Variants in KCNQ1 observed in about 807,000 individuals in gnomAD.
The protein encoded by KCNQ1 is potassium voltage-gated channel subfamily KQT member 1.
Under a neutral mutation model 72.4 loss-of-function variants are expected in KCNQ1, and 49 were observed. That is an observed-to-expected ratio of 0.68 (90% CI 0.54 to 0.86). The LOEUF (loss-of-function observed/expected upper bound fraction) is 0.86. Ranked by LOEUF, KCNQ1 falls within the 40% of genes least tolerant of loss-of-function variation. The pLI, the probability that KCNQ1 is intolerant of heterozygous loss-of-function variation, is 0.00. For missense variants in KCNQ1, 790 were observed against 945.1 expected (o/e 0.84, Z 2.15); for synonymous variants, 450 against 412.6 (o/e 1.09, Z -1.10).
rs111520191 is a variant in KCNQ1 at position 2,787,734 on chromosome 11, G to A, written c.1794+9697G>A. On this transcript the variant is annotated intron_variant, in intron 15 of 15. Transcript: ENST00000155840. The surrounding 1 kb of genome is among the most constrained non-coding windows in gnomAD (Gnocchi z 6.3). ...TTTTACACATTTCAATTTAGACACCGAGTTTTCATGAGAACGACTTGGTCT... is the reference window on the plus strand; with the variant it reads ...TTTTACACATTTCAATTTAGACACCAAGTTTTCATGAGAACGACTTGGTCT... 7.4e-4 allele frequency among the ~76,000 whole-genome samples: 113 copies of A among 152,110 alleles called. No individual in the cohort carries two copies. The highest frequency in any genetic ancestry group is 3.4e-3 in the Middle Eastern group (1 of 294).
In KCNQ1 at chr11:2,657,168, C is replaced by T. The variant is rs1431582605; in HGVS notation, c.1394-4793C>T. 2.5e-6 allele frequency: 1 copy of T among 398,520 alleles called. No individual in the cohort carries two copies. Among genetic ancestry groups the T allele is most frequent in the Non-Finnish European group, 4.4e-6 (1 of 226,076 alleles). 24.7% of individuals were successfully genotyped at this position (398,520 alleles called of 1,614,324 possible). On this transcript the variant is annotated intron_variant, in intron 10 of 15. Coordinates refer to ENST00000155840, the MANE Select transcript of KCNQ1 (RefSeq NM_000218.3). The surrounding 1 kb of genome is among the most constrained non-coding windows in gnomAD (Gnocchi z 4.8). ...TGTTTGGTACAGCAAGTTCTCCCAC[C>T]TTGTTCTTCTTCAAGAATATTGCCA...
chr11:2,521,470 T>C (rs1263667782), intron 1 of KCNQ1: 8 of 466,116 alleles, frequency 1.7e-5, no homozygotes, highest in Non-Finnish European at 3.1e-5. Context: ...TAATTTTTAA[T>C]GTTTACAGAT....
chr11:2,830,413 C>G lies in KCNQ1; in HGVS notation c.1795-17354C>G, dbSNP rs1237764361. Among the ~76,000 whole-genome samples, 1 of 152,098 alleles carries G rather than the reference C, an allele frequency of 6.6e-6. No individual in the cohort carries two copies. The highest frequency in any genetic ancestry group is 2.4e-5 in the African/African-American group (1 of 41,406). Reference sequence around the variant, plus strand: ...ATCTCCAAGGCCCCGGGATCTAAGTCCCTGTTAAGTCCCCTGTTAAAGGAC... The same window carrying G: ...ATCTCCAAGGCCCCGGGATCTAAGTGCCTGTTAAGTCCCCTGTTAAAGGAC... On this transcript the variant is annotated intron_variant, in intron 15 of 15. Transcript: ENST00000155840. This position sits in a 1 kb window ranked among gnomAD's most constrained non-coding sequence, Gnocchi z 7.7.
At chr11:2,558,930 C>G (rs2133705058) in intron 2 of KCNQ1, among the ~76,000 whole-genome samples, 1 of 152,288 alleles carries the variant, frequency 6.6e-6, no homozygotes, top group Middle Eastern at 3.4e-3. Flanking sequence ...AACCCCTCCA[C>G]CCTGAGAAGC....
rs112089686 is a variant in KCNQ1, at chr11:2,804,495, C to T, written c.1794+26458C>T. Among the ~76,000 whole-genome samples, 999 of 152,326 alleles carry T rather than the reference C, an allele frequency of 6.6e-3. 9 individuals are homozygous for T. Among genetic ancestry groups the T allele is most frequent in the African/African-American group, 0.022 (934 of 41,560 alleles). The stretch of plus-strand genomic sequence containing the variant: ...GGAGGGATGGAGGCCGGAACAGAGC[C>T]GGCTGCTCCCCTCAGAGGGCTGGGT... On this transcript the variant is annotated intron_variant, in intron 15 of 15. Transcript: ENST00000155840.
intron 1 of KCNQ1, among the ~76,000 whole-genome samples, chr11:2,506,672 C>G (rs537499117): frequency 5.1e-4 from 77 of 152,246 alleles, no homozygotes; most frequent in Middle Eastern, 6.8e-3. Context: ...TTGGATGTGA[C>G]CAAATTTCCC....
At chr11:2,773,587 T>A (rs2133986370) in intron 12 of KCNQ1, among the ~76,000 whole-genome samples, 1 of 148,134 alleles carries the variant, frequency 6.8e-6, no homozygotes, top group Admixed American at 6.7e-5. Context: ...AAACATCCCA[T>A]CTTCCAAAAG....
rs1848265921 is a variant in KCNQ1 at position 2,567,634 on chromosome 11, G to A, written c.478-2994G>A. 6.6e-6 allele frequency among the ~76,000 whole-genome samples: 1 copy of A among 152,200 alleles called. No homozygotes were observed. Among genetic ancestry groups the A allele is most frequent in the South Asian group, 2.1e-4 (1 of 4,834 alleles). ...GGGGACTTTTCCTTGGCTCTTTCCT[G>A]GCCTGCTAGCAGCACCAGCCTAATT... On this transcript the variant is annotated intron_variant, in intron 2 of 15. Transcript: ENST00000155840. The surrounding 1 kb of genome is among the most constrained non-coding windows in gnomAD (Gnocchi z 6.6).
At chr11:2,707,549 G>T (rs1850930689) in intron 11 of KCNQ1, among the ~76,000 whole-genome samples, 1 of 152,236 alleles carries the variant, frequency 6.6e-6, no homozygotes, top group Middle Eastern at 3.4e-3. Flanking sequence ...GACCTGCCAG[G>T]CTCTCAGAGC....
In KCNQ1 at chr11:2,447,779, A is replaced by G. The variant is rs1439984277; in HGVS notation, c.386+2295A>G. Among the ~76,000 whole-genome samples the G allele has an allele frequency of 6.6e-6, 1 of 152,206 alleles. No homozygotes were observed. Among genetic ancestry groups the G allele is most frequent in the African/African-American group, 2.4e-5 (1 of 41,460 alleles). Reference sequence around the variant, plus strand: ...CTGAAGACGACAAGCCTGGCCTTGAAGAGCCAGGGCCCAGGCATGTGTGCA... The same window carrying G: ...CTGAAGACGACAAGCCTGGCCTTGAGGAGCCAGGGCCCAGGCATGTGTGCA... On this transcript the variant is annotated intron_variant, in intron 1 of 15. Transcript: ENST00000155840. The surrounding 1 kb of genome is among the most constrained non-coding windows in gnomAD (Gnocchi z 7.6).
In KCNQ1 at chr11:2,550,343, C is replaced by G. The variant is rs1847965084; in HGVS notation, c.478-20285C>G. The stretch of plus-strand genomic sequence containing the variant: ...AGCATCTGCATCCTTGCCGTCACCC[C>G]TCACACCCCCTGCTAGGGTCCCTCT... On this transcript the variant is annotated intron_variant, in intron 2 of 15. Transcript: ENST00000155840. The surrounding 1 kb of genome is among the most constrained non-coding windows in gnomAD (Gnocchi z 6.0). Among the ~76,000 whole-genome samples the G allele has an allele frequency of 6.6e-6, 1 of 152,190 alleles. No individual in the cohort carries two copies. The highest frequency in any genetic ancestry group is 6.5e-5 in the Admixed American group (1 of 15,292).
chr11:2,582,397 C>T (rs1367876111), intron 6 of KCNQ1, among the ~76,000 whole-genome samples: 1 of 152,212 alleles, frequency 6.6e-6, no homozygotes, highest in African/African-American at 2.4e-5. Flanking sequence ...GTGTGTTAAA[C>T]AGGCCTCAGG....
chr11:2,808,892 A>G lies in KCNQ1; in HGVS notation c.1794+30855A>G, dbSNP rs1400885995. 6.6e-6 allele frequency among the ~76,000 whole-genome samples: 1 copy of G among 151,994 alleles called. No homozygotes were observed. Among genetic ancestry groups the G allele is most frequent in the East Asian group, 1.9e-4 (1 of 5,190 alleles). On this transcript the variant is annotated intron_variant, in intron 15 of 15. Coordinates refer to ENST00000155840, the MANE Select transcript of KCNQ1 (RefSeq NM_000218.3). This position sits in a 1 kb window ranked among gnomAD's most constrained non-coding sequence, Gnocchi z 6.0. ...TGGATGGATGGATGAACACATGGAC[A>G]ATGGGTGGGTAGATGGGTGAATAGA...
At chr11:2,719,097 C>T (rs1851157359) in intron 11 of KCNQ1, among the ~76,000 whole-genome samples, 1 of 152,234 alleles carries the variant, frequency 6.6e-6, no homozygotes, top group Admixed American at 6.5e-5. Context: ...GGAGCCCCAA[C>T]CGCAGAGCAC....
intron 11 of KCNQ1, chr11:2,684,047 T>G (rs1344177747): frequency 7.5e-6 from 3 of 398,556 alleles, no homozygotes; most frequent in African/African-American, 6.2e-5. Context: ...TCCCCCTTTA[T>G]CAAGACATTG....
chr11:2,513,156 G>A (rs949833685), intron 1 of KCNQ1, among the ~76,000 whole-genome samples: 2 of 152,178 alleles, frequency 1.3e-5, no homozygotes, highest in Non-Finnish European at 2.9e-5. Flanking sequence ...CCTGTGTGAT[G>A]TGAGTGCAGG....
intron 11 of KCNQ1, among the ~76,000 whole-genome samples, chr11:2,707,730 G>A (rs1049024554): frequency 6.6e-6 from 1 of 152,248 alleles, no homozygotes; most frequent in Non-Finnish European, 1.5e-5. Flanking sequence ...GCATAGCAAG[G>A]TCAAGGGATT....
intron 11 of KCNQ1, chr11:2,662,670 C>G (rs1220634469): frequency 2.5e-6 from 1 of 405,100 alleles, no homozygotes; most frequent in African/African-American, 2.1e-5. Context: ...ATGTGACTCC[C>G]CGCTGGGGTG....
At chr11:2,719,651 G>C (rs1335869592) in intron 11 of KCNQ1, among the ~76,000 whole-genome samples, 1 of 152,214 alleles carries the variant, frequency 6.6e-6, no homozygotes, top group Non-Finnish European at 1.5e-5. Flanking sequence ...CTTGCTGGTG[G>C]TGGAAGGCCC....
Sources: allele counts gnomAD v4.1 joint callset (sites outside exome capture counted in the v4.1 genomes callset), GRCh38; gene constraint gnomAD v4.1.1; non-coding constraint Gnocchi (gnomAD v3.1); transcripts MANE v1.5; gene names NCBI Gene and HGNC (gene_info 2026-07-23, HGNC 2026-07-21).